HNF4G: variants seen among roughly 807,000 people sequenced by gnomAD.
The protein encoded by HNF4G is hepatocyte nuclear factor 4-gamma.
Under a neutral mutation model 50.9 loss-of-function variants are expected in HNF4G, and 21 were observed. The observed-to-expected ratio is 0.41, with a 90% CI of 0.29 to 0.59. HNF4G has a LOEUF of 0.59. HNF4G is among the 20% of genes least tolerant of loss of function. The pLI is 0.26. For synonymous variants in HNF4G, 198 were observed against 185.6 expected, an observed-to-expected ratio of 1.07 and a Z score of -0.54; for missense variants, 527 against 559.4, an observed-to-expected ratio of 0.94 and a Z score of 0.58.
intron 1 of HNF4G, among the ~76,000 whole-genome samples, chr8:75,477,258 C>A (rs890319930): frequency 9.9e-5 from 15 of 152,122 alleles, no homozygotes; most frequent in Non-Finnish European, 2.9e-5. Context: ...CAGAGCCTAC[C>A]ATTAAATTTT....
At chr8:75,501,677 T>C (rs1428534751) in intron 2 of HNF4G, among the ~76,000 whole-genome samples, 1 of 152,164 alleles carries the variant, frequency 6.6e-6, no homozygotes, top group Non-Finnish European at 1.5e-5. Context: ...ATATCCCAGA[T>C]AAAACAAATT....
At chr8:75,540,671 T>C (rs1179848731) in intron 1 of HNF4G, among the ~76,000 whole-genome samples, 1 of 152,174 alleles carries the variant, frequency 6.6e-6, no homozygotes, top group Non-Finnish European at 1.5e-5. Flanking sequence ...ATTTAATTAC[T>C]GTAACATTTT....
At chr8:75,443,305 C>T (rs764914727) in intron 1 of HNF4G, among the ~76,000 whole-genome samples, 1 of 152,114 alleles carries the variant, frequency 6.6e-6, no homozygotes, top group Admixed American at 6.6e-5. Context: ...CCTGAAGGAA[C>T]TAAGACACTT....
At chr8:75,456,406 T>C (rs1354467862) in intron 1 of HNF4G, among the ~76,000 whole-genome samples, 1 of 152,196 alleles carries the variant, frequency 6.6e-6, no homozygotes, top group East Asian at 1.9e-4. Flanking sequence ...CTTGAAATAT[T>C]GTTTCAAAAA....
intron 1 of HNF4G, among the ~76,000 whole-genome samples, chr8:75,443,439 G>A (rs1166509900): frequency 6.6e-6 from 1 of 152,022 alleles, no homozygotes; most frequent in East Asian, 1.9e-4. Context: ...CATATTAAAA[G>A]GATAACAAGT....
intron 1 of HNF4G, among the ~76,000 whole-genome samples, chr8:75,462,589 A>G (rs1754723573): frequency 6.6e-6 from 1 of 152,224 alleles, no homozygotes; most frequent in South Asian, 2.1e-4. Context: ...ACTGCAGAAA[A>G]CGAAACCTTG....
At chr8:75,541,372 T>C (rs1806616626) in intron 1 of HNF4G, among the ~76,000 whole-genome samples, 1 of 152,262 alleles carries the variant, frequency 6.6e-6, no homozygotes, top group Middle Eastern at 3.4e-3. Flanking sequence ...CATATTTCTA[T>C]ATAGTCTCTC....
chr8:75,475,846 G>A (rs1481756842), intron 1 of HNF4G, among the ~76,000 whole-genome samples: 1 of 152,090 alleles, frequency 6.6e-6, no homozygotes, highest in Non-Finnish European at 1.5e-5. Context: ...TATGTAGGGT[G>A]TATATAACTG....
At chr8:75,504,396 A>T (rs999639259) in intron 2 of HNF4G, among the ~76,000 whole-genome samples, 1 of 152,138 alleles carries the variant, frequency 6.6e-6, no homozygotes. Context: ...TGGTTACTAA[A>T]TCTCAAGAAA....
At chr8:75,523,892 T>C (rs1806113056) in intron 2 of HNF4G, among the ~76,000 whole-genome samples, 1 of 151,942 alleles carries the variant, frequency 6.6e-6, no homozygotes, top group Admixed American at 6.6e-5. Context: ...ATAATATTCT[T>C]AGTGTAATAA....
At chr8:75,464,229 TTCTC>T (rs1190426387) in intron 1 of HNF4G, among the ~76,000 whole-genome samples, 1 of 122,294 alleles carries the variant, frequency 8.2e-6, no homozygotes, top group Non-Finnish European at 1.6e-5. Flanking sequence ...TGAAAATGGA[TTCTC>T]TCTCTTTTTT....
intron 1 of HNF4G, among the ~76,000 whole-genome samples, chr8:75,476,061 A>T (rs749282842): frequency 6.6e-6 from 1 of 152,086 alleles, no homozygotes; most frequent in Non-Finnish European, 1.5e-5. Context: ...TGCATATTGC[A>T]CCCAAAAGAC....
chr8:75,563,383 A>C (rs1807370308), intron 9 of HNF4G, among the ~76,000 whole-genome samples: 1 of 151,966 alleles, frequency 6.6e-6, no homozygotes, highest in Non-Finnish European at 1.5e-5. Flanking sequence ...CTTTGCATCA[A>C]AGGGGATGCG....
At chr8:75,521,792 G>A (rs1585918694) in intron 2 of HNF4G, among the ~76,000 whole-genome samples, 2 of 152,080 alleles carry the variant, frequency 1.3e-5, no homozygotes, top group African/African-American at 4.8e-5. Flanking sequence ...TGGATAAAAA[G>A]GCTTTTAACA....
At chr8:75,546,306 C>G (rs1585943247) in intron 2 of HNF4G, among the ~76,000 whole-genome samples, 1 of 152,172 alleles carries the variant, frequency 6.6e-6, no homozygotes, top group East Asian at 1.9e-4. Context: ...CTTAACACCC[C>G]CAAGTTCTGC....
intron 5 of HNF4G, among the ~76,000 whole-genome samples, chr8:75,553,409 A>T (rs1179071290): frequency 2.0e-5 from 3 of 152,142 alleles, no homozygotes; most frequent in African/African-American, 7.2e-5. Context: ...TAGCAAATTT[A>T]TTGATTGGAC....
chr8:75,515,205 G>A (rs1805858351), intron 2 of HNF4G, among the ~76,000 whole-genome samples: 2 of 152,066 alleles, frequency 1.3e-5, no homozygotes, highest in South Asian at 4.1e-4. Flanking sequence ...TAAGCTGTTT[G>A]TCTTTGTGCA....
intron 1 of HNF4G, among the ~76,000 whole-genome samples, chr8:75,461,204 G>A (rs1287537773): frequency 6.6e-6 from 1 of 152,112 alleles, no homozygotes; most frequent in Non-Finnish European, 1.5e-5. Context: ...GTACAAAAGG[G>A]GTTTTACTGG....
intron 1 of HNF4G, among the ~76,000 whole-genome samples, chr8:75,464,905 A>T (rs1345730764): frequency 6.6e-6 from 1 of 152,202 alleles, no homozygotes; most frequent in East Asian, 1.9e-4. Flanking sequence ...AATAGGAAGA[A>T]CAAGAGAATA....
Sources: gnomAD v4.1 joint callset for allele counts (sites outside exome capture counted in the v4.1 genomes callset) on GRCh38, gnomAD v4.1.1 for gene constraint, MANE v1.5 for transcripts, NCBI Gene and HGNC (gene_info 2026-07-23, HGNC 2026-07-21) for gene names.